PDK3: variants seen among roughly 807,000 people sequenced by gnomAD.
PDK3 encodes pyruvate dehydrogenase kinase, isozyme 3.
Under a neutral mutation model 32.0 loss-of-function variants are expected in PDK3, and 12 were observed. The ratio of observed to expected loss-of-function variants is 0.37; its 90% CI spans 0.24 to 0.61. PDK3 has a LOEUF of 0.61. PDK3 is among the 20% of genes least tolerant of loss of function. PDK3 has a pLI of 0.65. For missense variants in PDK3, 188 were observed against 316.9 expected, an observed-to-expected ratio of 0.59 and a Z score of 3.09; for synonymous variants, 122 against 116.3, an observed-to-expected ratio of 1.05 and a Z score of -0.31.
intron 10 of PDK3, among the ~76,000 whole-genome samples, chrX:24,532,396 G>A (rs1922672104): frequency 8.9e-6 from 1 of 112,284 alleles, no homozygotes. Flanking sequence ...AAGTATTTTG[G>A]TCTTTTGTTT....
exon 12 of PDK3, among the ~76,000 whole-genome samples, chrX:24,544,057 A>G (rs921927000): frequency 9.0e-6 from 1 of 111,437 alleles, no homozygotes. Context: ...TGAGCGAGAC[A>G]TGTTTGAAGG....
At chrX:24,512,497 C>G (rs1922146875) in intron 5 of PDK3, among the ~76,000 whole-genome samples, 1 of 111,935 alleles carries the variant, frequency 8.9e-6, no homozygotes, top group Admixed American at 9.5e-5. Context: ...TCAAAAGAAC[C>G]TGGTAGGTCC....
chrX:24,542,162 A>G (rs1454049092), exon 12 of PDK3, among the ~76,000 whole-genome samples: 1 of 111,909 alleles, frequency 8.9e-6, no homozygotes, highest in Non-Finnish European at 1.9e-5. Context: ...CTAAGAGATG[A>G]CTTTAAAATG....
intron 10 of PDK3, among the ~76,000 whole-genome samples, chrX:24,532,292 C>T (rs768199663): frequency 2.3e-3 from 259 of 111,295 alleles, no homozygotes; most frequent in African/African-American, 8.2e-3. Flanking sequence ...AATTAAAATA[C>T]TGATTTTTAA....
At position 24,498,826 on chromosome X, in the gene PDK3, T is replaced by C. The variant is rs1335440067; in HGVS notation, c.249-3T>C. On this transcript the variant is annotated splice_region_variant and splice_polypyrimidine_tract_variant and intron_variant, in intron 2 of 10. Coordinates refer to ENST00000379162, the MANE Select transcript of PDK3 (RefSeq NM_005391.5). ...TCTTTTTCTTTTTTTTTTTTCCTTT[T>C]AGGTATATGCAGAGTTTTCTTGAAC... 9.2e-7 allele frequency: 1 copy of C among 1,088,512 alleles called. No individual in the cohort carries two copies. The highest frequency in any genetic ancestry group is 2.8e-5 in the Admixed American group (1 of 35,457). 89.7% of individuals were successfully genotyped at this position (1,088,512 alleles called of 1,213,427 possible).
intron 5 of PDK3, among the ~76,000 whole-genome samples, chrX:24,506,913 T>C (rs778109646): frequency 3.4e-4 from 34 of 100,895 alleles, no homozygotes; most frequent in Non-Finnish European, 5.5e-4. Context: ...CGAGTTCAAG[T>C]GATTCTCCTG....
intron 5 of PDK3, among the ~76,000 whole-genome samples, chrX:24,509,430 C>T (rs1347800682): frequency 1.8e-5 from 2 of 111,464 alleles, no homozygotes; most frequent in Non-Finnish European, 3.8e-5. Flanking sequence ...CCTGGTGAAG[C>T]CCTATACAAT....
At chrX:24,535,519 A>AG (rs1344442923), downstream of PDK3, among the ~76,000 whole-genome samples, 8 of 107,826 alleles carry the variant, frequency 7.4e-5, no homozygotes, top group Non-Finnish European at 1.5e-4. Flanking sequence ...AAAAAAAAAA[A>AG]AAAGAAGAAG....
chrX:24,533,587 C>A (rs1922706783), intron 10 of PDK3, among the ~76,000 whole-genome samples: 1 of 111,887 alleles, frequency 8.9e-6, no homozygotes, highest in Non-Finnish European at 1.9e-5. Flanking sequence ...ACCTGGGATG[C>A]ATGAGACTGT....
At chrX:24,516,930 G>A (rs1037714078) in intron 5 of PDK3, among the ~76,000 whole-genome samples, 1 of 108,651 alleles carries the variant, frequency 9.2e-6, no homozygotes. Context: ...CAAGTAGCTG[G>A]GACTACAGGC....
intron 5 of PDK3, among the ~76,000 whole-genome samples, chrX:24,510,691 T>C (rs1922095536): frequency 8.9e-6 from 1 of 112,316 alleles, no homozygotes; most frequent in Non-Finnish European, 1.9e-5. Context: ...TCTATCCTGC[T>C]GTCTGCGTCA....
intron 1 of PDK3, among the ~76,000 whole-genome samples, chrX:24,487,123 T>G (rs1387840505): frequency 8.9e-6 from 1 of 112,807 alleles, no homozygotes; most frequent in East Asian, 2.7e-4. Context: ...AAACTAAGTT[T>G]TTAAAAAAGT....
chrX:24,547,012 G>C (rs1207611), exon 12 of PDK3: 1 of 111,774 alleles, frequency 8.9e-6, no homozygotes, highest in South Asian at 3.7e-4. Context: ...ATAAAACACC[G>C]AAAGGTGGAG....
intron 6 of PDK3, 127 bp from the exon 7 acceptor site, chrX:24,526,071 G>A (rs1922516511): frequency 6.2e-6 from 3 of 482,166 alleles, no homozygotes; most frequent in East Asian, 7.6e-5. Context: ...GCCTTTAGAG[G>A]TGGAAACTCA....
At chrX:24,467,707 A>T (rs1255682811) in intron 1 of PDK3, among the ~76,000 whole-genome samples, 1 of 111,624 alleles carries the variant, frequency 9.0e-6, no homozygotes, top group Non-Finnish European at 1.9e-5. Context: ...TTGATGTGGG[A>T]GTTGGAGAAT....
intron 1 of PDK3, among the ~76,000 whole-genome samples, chrX:24,480,959 G>A (rs910986987): frequency 8.9e-6 from 1 of 111,894 alleles, no homozygotes; most frequent in African/African-American, 3.2e-5. Flanking sequence ...TAACCCAATT[G>A]TCCTTTATCC....
chrX:24,470,591 G>A (rs1406624669), intron 1 of PDK3, among the ~76,000 whole-genome samples: 1 of 105,490 alleles, frequency 9.5e-6, no homozygotes, highest in Non-Finnish European at 1.9e-5. Context: ...GGAGGCTGAG[G>A]TAGGAGAATT....
chrX:24,506,801 C>CTTTTTTTTTTTTTTTTT (rs10682263), intron 5 of PDK3, among the ~76,000 whole-genome samples: 5 of 49,493 alleles, frequency 1.0e-4, no homozygotes, highest in Non-Finnish European at 1.7e-4. Context: ...TTTTTTCTTT[C>CTTTTTTTTTTTTTTTTT]TTTTTTTTTT....
At chrX:24,539,769 C>G (rs888630256) in exon 12 of PDK3, 8 of 112,265 alleles carry the variant, frequency 7.1e-5, no homozygotes, top group African/African-American at 2.3e-4. Flanking sequence ...TTCATTGATG[C>G]CTTGGTTTTA....
Sources: allele counts gnomAD v4.1 joint callset (sites outside exome capture counted in the v4.1 genomes callset), GRCh38; gene constraint gnomAD v4.1.1; transcripts MANE v1.5; gene names NCBI Gene and HGNC (gene_info 2026-07-23, HGNC 2026-07-21).